The following ZFP30 variants were observed in gnomAD, a reference collection of about 807,000 sequenced individuals.
The protein encoded by ZFP30 is ZFP30 zinc finger protein.
ZFP30 carries 16 observed loss-of-function variants against 12.3 expected under a neutral mutation model. The ratio of observed to expected loss-of-function variants is 1.30; its 90% CI spans 0.88 to 1.98. The LOEUF is 1.98. ZFP30 is among the 30% of genes most tolerant of loss of function. ZFP30 has a pLI of 0.00. For synonymous variants in ZFP30, 172 were observed against 201.0 expected, an observed-to-expected ratio of 0.86 and a Z score of 1.22; for missense variants, 560 against 611.2, an observed-to-expected ratio of 0.92 and a Z score of 0.88.
chr19:37,647,885 C>A lies in ZFP30; in HGVS notation c.-63G>T. ...GGTTCATGTACTTCAGAAGCAGGGT[C>A]CACAGACACCAGAGCTGCAGAAAGA... On this transcript the variant is annotated 5_prime_UTR_variant, in exon 3 of 6. Coordinates refer to ENST00000684514, the MANE Select transcript of ZFP30 (RefSeq NM_001320669.3). 17 of 1,570,758 alleles carry A rather than the reference C, an allele frequency of 1.1e-5. No individual in the cohort carries two copies. The highest frequency in any genetic ancestry group is 1.5e-5 in the Non-Finnish European group (17 of 1,141,378).
intron 2 of ZFP30, among the ~76,000 whole-genome samples, chr19:37,652,612 G>A (rs1170464519): frequency 6.6e-6 from 1 of 151,970 alleles, no homozygotes; most frequent in South Asian, 2.1e-4. Context: ...AAACCACACA[G>A]ACTTGTAGAA....
intron 5 of ZFP30, among the ~76,000 whole-genome samples, chr19:37,639,554 C>T (rs2044395631): frequency 6.6e-6 from 1 of 151,872 alleles, no homozygotes; most frequent in Non-Finnish European, 1.5e-5. Flanking sequence ...GAAGTCAAGA[C>T]CAGCCTGGCC....
At chr19:37,650,553 T>C (rs558765339) in intron 2 of ZFP30, among the ~76,000 whole-genome samples, 1 of 152,336 alleles carries the variant, frequency 6.6e-6, no homozygotes, top group African/African-American at 2.4e-5. Context: ...TTTACCTCTA[T>C]TAGCCATTCC....
At chr19:37,639,847 T>C (rs1246346500) in intron 5 of ZFP30, among the ~76,000 whole-genome samples, 1 of 151,930 alleles carries the variant, frequency 6.6e-6, no homozygotes, top group Non-Finnish European at 1.5e-5. Flanking sequence ...GAGATTGTCA[T>C]ATATGGCTCC....
rs768932455 is a variant in ZFP30, at chr19:37,643,311, T to C, written c.189A>G (p.Lys63=). 1.5e-5 allele frequency: 24 copies of C among 1,611,108 alleles called. No individual in the cohort carries two copies. Among genetic ancestry groups the C allele is most frequent in the Middle Eastern group, 1.6e-4 (1 of 6,076 alleles). ...CATCCCTCACAACCATCCAGGGCTC[T>C]TTCCCTTGTTCCAATAGGGTGATCA... ...PDVITLLEQG[K]EPWMVVRDEK... is the part of the protein sequence containing the mutation. The change falls in exon 5 of 6, where the codon AAA becomes AAG. Residue 63 remains lysine, a synonymous_variant. Coordinates refer to ENST00000684514, the MANE Select transcript of ZFP30 (RefSeq NM_001320669.3).
intron 1 of ZFP30, 138 bp from the exon 2 acceptor site, chr19:37,655,017 A>G (rs1015056237): frequency 6.6e-6 from 1 of 152,272 alleles, no homozygotes; most frequent in Non-Finnish European, 1.5e-5. Flanking sequence ...GGAACTGTCC[A>G]GCGTGTCCTC....
At chr19:37,643,128 C>T in intron 5 of ZFP30, 137 bp downstream of exon 5, 1 of 573,658 alleles carries the variant, frequency 1.7e-6, no homozygotes, top group Non-Finnish European at 3.1e-6. Context: ...TTTGATGGCT[C>T]ATGCTGAGAA....
intron 5 of ZFP30, 83 bp from the exon 6 acceptor site, chr19:37,636,388 C>CA (rs58180098): frequency 0.2 from 184,539 of 902,086 alleles, 2,717 homozygotes; most frequent in Middle Eastern, 0.25. Context: ...AATCGGTGAC[C>CA]AAAAAAAAAA....
upstream of ZFP30, chr19:37,656,040 A>T (rs2044750541): frequency 6.6e-6 from 1 of 152,470 alleles, no homozygotes; most frequent in Non-Finnish European, 1.5e-5. Context: ...AGGAAACCCC[A>T]GTATCGCGAG....
chr19:37,633,137 C>A lies in ZFP30; in HGVS notation c.*1844G>T, dbSNP rs188458014. The A allele has an allele frequency of 6.9e-6, 1 of 145,168 alleles. No homozygotes were observed. The highest frequency in any genetic ancestry group is 2.6e-5 in the African/African-American group (1 of 39,192). 9.0% of individuals were successfully genotyped at this position (145,168 alleles called of 1,614,324 possible). On this transcript the variant is annotated 3_prime_UTR_variant, in exon 6 of 6. Coordinates refer to ENST00000684514, the MANE Select transcript of ZFP30 (RefSeq NM_001320669.3). ...AGTGAGCCGAGACTGTGCCACTGCACGCCAGCCTGGGCGAAAGAGCGAGAC... is the reference window on the plus strand; with the variant it reads ...AGTGAGCCGAGACTGTGCCACTGCAAGCCAGCCTGGGCGAAAGAGCGAGAC...
At position 37,647,866 on chromosome 19, in the gene ZFP30, T is replaced by G. The variant is rs759887000; in HGVS notation, c.-44A>C. On this transcript the variant is annotated 5_prime_UTR_variant, in exon 3 of 6. The change abolishes an upstream ATG in the 5' untranslated region. Transcript: ENST00000684514. ...ACTGGTCAATTTTCCTCAAGGTTCA[T>G]GTACTTCAGAAGCAGGGTCCACAGA... is the stretch of plus-strand genomic sequence containing the variant. 6.2e-7 allele frequency: 1 copy of G among 1,612,950 alleles called. No homozygotes were observed. Among genetic ancestry groups the G allele is most frequent in the South Asian group, 1.1e-5 (1 of 91,054 alleles).
At chr19:37,648,282 C>CA (rs2044581458) in intron 2 of ZFP30, among the ~76,000 whole-genome samples, 1 of 152,140 alleles carries the variant, frequency 6.6e-6, no homozygotes, top group South Asian at 2.1e-4. Context: ...GGGGCTACAC[C>CA]ATCTAAACCA....
At chr19:37,655,693 C>T (rs566225557), upstream of ZFP30, 2 of 152,176 alleles carry the variant, frequency 1.3e-5, no homozygotes, top group Non-Finnish European at 2.9e-5. Flanking sequence ...CAGGCCTGCT[C>T]CCCTGTGGAC....
intron 5 of ZFP30, among the ~76,000 whole-genome samples, chr19:37,642,877 C>T (rs1410142593): frequency 6.6e-6 from 1 of 151,612 alleles, no homozygotes; most frequent in South Asian, 2.1e-4. Context: ...ATGGTGAAAC[C>T]CCGTCTCTAC....
intron 5 of ZFP30, among the ~76,000 whole-genome samples, chr19:37,638,123 C>T (rs1341812873): frequency 2.0e-5 from 3 of 152,178 alleles, no homozygotes; most frequent in Admixed American, 2.0e-4. Flanking sequence ...TACACTTCAT[C>T]ATCCTTCCAA....
At position 37,635,850 on chromosome 19, in the gene ZFP30, C is replaced by G. The variant is rs981567520; in HGVS notation, c.691G>C (p.Val231Leu). The change falls in exon 6 of 6, where the codon GTA becomes CTA. Residue 231 changes from valine (V) to leucine (L), a missense_variant. By Grantham distance (32) the Val-to-Leu change is conservative. Coordinates refer to ENST00000684514, the MANE Select transcript of ZFP30 (RefSeq NM_001320669.3). Reference protein sequence around the residue: ...KIFTCGSDLRVHQRIHIGEKP... With the variant: ...KIFTCGSDLRLHQRIHIGEKP... Reference sequence around the variant, plus strand: ...TCACCAATATGAATTCTCTGATGTACTCGAAGGTCTGAGCCACATGTGAAG... The same window carrying G: ...TCACCAATATGAATTCTCTGATGTAGTCGAAGGTCTGAGCCACATGTGAAG... The G allele has an allele frequency of 6.2e-7, 1 of 1,614,130 alleles. No individual in the cohort carries two copies. The highest frequency in any genetic ancestry group is 1.1e-5 in the South Asian group (1 of 91,074).
At position 37,633,823 on chromosome 19, in the gene ZFP30, A is replaced by T. The variant is rs893624926; in HGVS notation, c.*1158T>A. 2 of 152,218 alleles carry T rather than the reference A, an allele frequency of 1.3e-5. No individual in the cohort carries two copies. The highest frequency in any genetic ancestry group is 2.9e-5 in the Non-Finnish European group (2 of 68,028). 9.4% of individuals were successfully genotyped at this position (152,218 alleles called of 1,614,324 possible). A position where few individuals can be genotyped will look rare whatever the true frequency, so the allele number is the denominator to read the frequency against. ...TTACCATCATTTTGCCAAACTTGTT[A>T]TTCATCCTCATTTTTCTTTTGTATG... On this transcript the variant is annotated 3_prime_UTR_variant, in exon 6 of 6. Transcript: ENST00000684514.
intron 3 of ZFP30, among the ~76,000 whole-genome samples, chr19:37,646,340 ATATAT>A (rs1249090658): frequency 6.6e-6 from 1 of 152,198 alleles, no homozygotes; most frequent in African/African-American, 2.4e-5. Context: ...ATACTTTTAA[ATATAT>A]TATATTTAGA....
chr19:37,646,818 G>A lies in ZFP30; in HGVS notation c.9+996C>T, dbSNP rs111390714. ...TCATTAAGTTGCTCAAGGTTGTCTC[G>A]AACTCCTCTGCTCAAGTAGTCCTCC... is the stretch of plus-strand genomic sequence containing the variant. On this transcript the variant is annotated intron_variant, in intron 3 of 5. Transcript: ENST00000684514. 3.1e-3 allele frequency among the ~76,000 whole-genome samples: 474 copies of A among 151,958 alleles called. 2 individuals are homozygous for A. Among genetic ancestry groups the A allele is most frequent in the African/African-American group, 0.011 (456 of 41,444 alleles).
Sources: gnomAD v4.1 joint callset for allele counts (sites outside exome capture counted in the v4.1 genomes callset) on GRCh38, gnomAD v4.1.1 for gene constraint, MANE v1.5 for transcripts, NCBI Gene and HGNC (gene_info 2026-07-23, HGNC 2026-07-21) for gene names.